Variants in GRID1 observed in about 807,000 individuals in gnomAD.
GRID1 encodes the protein glutamate receptor ionotropic, delta-1.
GRID1 carries 28 observed loss-of-function variants against 98.0 expected under a neutral mutation model. That is an observed-to-expected ratio of 0.29 (90% CI 0.21 to 0.39). The LOEUF (loss-of-function observed/expected upper bound fraction) is 0.39. Among genes scored for constraint, GRID1 ranks in the 10% least tolerant of loss-of-function variants. The pLI is 1.00. For missense variants in GRID1, 1,111 were observed against 1,340.5 expected (o/e 0.83, Z 2.67); for synonymous variants, 553 against 538.5 (o/e 1.03, Z -0.37).
At chr10:85,999,063 A>G (rs1010600192) in intron 4 of GRID1, among the ~76,000 whole-genome samples, 3 of 152,098 alleles carry the variant, frequency 2.0e-5, no homozygotes, top group South Asian at 2.1e-4. Flanking sequence ...AAATACAAAA[A>G]CTAGCTGGAT....
At chr10:85,730,141 T>C (rs74148744) in intron 8 of GRID1, among the ~76,000 whole-genome samples, 9,112 of 152,282 alleles carry the variant, frequency 0.06, 516 homozygotes, top group African/African-American at 0.15. Flanking sequence ...TTCACTGTGG[T>C]GCCAGCTCCC....
intron 2 of GRID1, among the ~76,000 whole-genome samples, chr10:86,217,185 G>C (rs1457608974): frequency 6.6e-6 from 1 of 152,148 alleles, no homozygotes; most frequent in Non-Finnish European, 1.5e-5. Context: ...GGGAGCCTGG[G>C]TTCAAACCCT....
chr10:86,285,766 A>G (rs1324916773), intron 2 of GRID1, among the ~76,000 whole-genome samples: 1 of 152,208 alleles, frequency 6.6e-6, no homozygotes, highest in African/African-American at 2.4e-5. Context: ...GTCAAGGCAT[A>G]GATTCGATAT....
At chr10:86,138,721 G>A in intron 4 of GRID1, 98 bp downstream of exon 4, 1 of 924,846 alleles carries the variant, frequency 1.1e-6, no homozygotes. Flanking sequence ...GTCCGTTTAG[G>A]CCATGCGTAA....
intron 5 of GRID1, among the ~76,000 whole-genome samples, chr10:85,913,405 G>A (rs1234407610): frequency 6.6e-6 from 1 of 152,188 alleles, no homozygotes; most frequent in East Asian, 1.9e-4. Context: ...TGCAAAATGA[G>A]GATAATGACA....
At chr10:86,125,902 C>T (rs74235894) in intron 4 of GRID1, among the ~76,000 whole-genome samples, 11 of 152,116 alleles carry the variant, frequency 7.2e-5, no homozygotes, top group East Asian at 3.9e-4. Flanking sequence ...CTATAACATA[C>T]AAAATTTGTG....
At chr10:85,993,239 C>G (rs1479150514) in intron 4 of GRID1, among the ~76,000 whole-genome samples, 1 of 152,038 alleles carries the variant, frequency 6.6e-6, no homozygotes, top group Non-Finnish European at 1.5e-5. Flanking sequence ...TGGGAGAGGA[C>G]AGTGGGCAGA....
intron 2 of GRID1, among the ~76,000 whole-genome samples, chr10:86,272,497 T>G (rs1847200787): frequency 2.6e-5 from 4 of 152,188 alleles, no homozygotes; most frequent in Admixed American, 2.6e-4. Context: ...CATCTCTAGT[T>G]CTAGAGGGAG....
At chr10:86,085,870 G>C (rs1471706433) in intron 4 of GRID1, among the ~76,000 whole-genome samples, 1 of 152,086 alleles carries the variant, frequency 6.6e-6, no homozygotes, top group Non-Finnish European at 1.5e-5. Flanking sequence ...CAGAACCCAG[G>C]CTCTCCCACT....
At chr10:86,197,647 G>C (rs1845895578) in intron 3 of GRID1, among the ~76,000 whole-genome samples, 1 of 152,070 alleles carries the variant, frequency 6.6e-6, no homozygotes, top group African/African-American at 2.4e-5. Flanking sequence ...AACTCCAGCA[G>C]GACCCAGCAG....
intron 8 of GRID1, among the ~76,000 whole-genome samples, chr10:85,730,080 T>C (rs1841806051): frequency 6.6e-6 from 1 of 152,352 alleles, no homozygotes; most frequent in African/African-American, 2.4e-5. Context: ...GTACAGCTTG[T>C]CTTGCACCCC....
At chr10:85,687,730 A>G (rs550681402) in intron 12 of GRID1, among the ~76,000 whole-genome samples, 1 of 152,332 alleles carries the variant, frequency 6.6e-6, no homozygotes, top group South Asian at 2.1e-4. Flanking sequence ...GAGACGAGGG[A>G]TTTTAAAAAG....
chr10:86,207,551 C>G (rs757323721), intron 2 of GRID1, among the ~76,000 whole-genome samples: 1 of 151,904 alleles, frequency 6.6e-6, no homozygotes, highest in Non-Finnish European at 1.5e-5. Context: ...CTGCAACCCA[C>G]TGCACCAGTT....
chr10:86,098,178 T>C lies in GRID1; in HGVS notation c.726+40641A>G, dbSNP rs903255879. Reference sequence around the variant, plus strand: ...ATGGTTCTGATATGAAAGGAGTACATGCTTACTATTAAAAGGATGATCTTA... The same window carrying C: ...ATGGTTCTGATATGAAAGGAGTACACGCTTACTATTAAAAGGATGATCTTA... On this transcript the variant is annotated intron_variant, in intron 4 of 15. Transcript: ENST00000327946. Among the ~76,000 whole-genome samples, 6 of 152,332 alleles carry C rather than the reference T, an allele frequency of 3.9e-5. No homozygotes were observed. In the East Asian group the frequency reaches 7.7e-4, roughly 20 times the overall value.
At chr10:85,798,905 C>T (rs533845258) in intron 8 of GRID1, among the ~76,000 whole-genome samples, 2 of 151,852 alleles carry the variant, frequency 1.3e-5, no homozygotes, top group African/African-American at 4.8e-5. Flanking sequence ...TTTTTGAGGT[C>T]TTACATAAAA....
intron 3 of GRID1, among the ~76,000 whole-genome samples, chr10:86,175,444 C>G (rs929233164): frequency 1.3e-5 from 2 of 152,126 alleles, no homozygotes; most frequent in African/African-American, 4.8e-5. Context: ...CAATGGCCAC[C>G]ATGCCTCCAT....
intron 12 of GRID1, among the ~76,000 whole-genome samples, chr10:85,665,671 A>C (rs888897949): frequency 2.0e-5 from 3 of 152,180 alleles, no homozygotes; most frequent in Non-Finnish European, 4.4e-5. Flanking sequence ...AAAATAAAGG[A>C]GTATTGATTG....
chr10:85,912,615 T>C (rs1283081434), intron 5 of GRID1, among the ~76,000 whole-genome samples: 3 of 152,212 alleles, frequency 2.0e-5, no homozygotes, highest in Admixed American at 6.5e-5. Context: ...TGGAGGGCCA[T>C]GCTGGAGGCC....
intron 2 of GRID1, among the ~76,000 whole-genome samples, chr10:86,332,981 AAC>A (rs1266603436): frequency 6.6e-6 from 1 of 152,080 alleles, no homozygotes; most frequent in Non-Finnish European, 1.5e-5. Flanking sequence ...GCCTCCCAGA[AAC>A]ACAAACCCAT....
Sources: allele counts gnomAD v4.1 joint callset (sites outside exome capture counted in the v4.1 genomes callset), GRCh38; gene constraint gnomAD v4.1.1; transcripts MANE v1.5; gene names NCBI Gene and HGNC (gene_info 2026-07-23, HGNC 2026-07-21).